Variants in ZMIZ1 observed in about 807,000 individuals in gnomAD.
ZMIZ1 encodes the protein zinc finger MIZ domain-containing protein 1.
ZMIZ1 carries 17 observed loss-of-function variants against 113.9 expected under a neutral mutation model. The ratio of observed to expected loss-of-function variants is 0.15; its 90% CI spans 0.10 to 0.22. The LOEUF (loss-of-function observed/expected upper bound fraction) is 0.22, where lower values mean the gene tolerates loss of function less well. ZMIZ1 is among the 10% of genes least tolerant of loss of function. ZMIZ1 has a pLI of 1.00. For missense variants in ZMIZ1, 1,059 were observed against 1,477.8 expected (o/e 0.72, Z 4.65); for synonymous variants, 607 against 603.1 (o/e 1.01, Z -0.09).
intron 4 of ZMIZ1, among the ~76,000 whole-genome samples, chr10:79,165,293 A>T (rs887646332): frequency 6.6e-6 from 1 of 152,124 alleles, no homozygotes; most frequent in Non-Finnish European, 1.5e-5. Flanking sequence ...GCTGGGCCTG[A>T]CAAAGCCGGT....
intron 3 of ZMIZ1, among the ~76,000 whole-genome samples, chr10:79,141,059 G>A (rs1392570204): frequency 6.6e-6 from 1 of 152,146 alleles, no homozygotes; most frequent in Non-Finnish European, 1.5e-5. Context: ...AATGGAGTAC[G>A]ACTCAGATCC....
chr10:79,266,670 G>A (rs937932161), intron 7 of ZMIZ1, among the ~76,000 whole-genome samples: 2 of 152,122 alleles, frequency 1.3e-5, no homozygotes, highest in African/African-American at 2.4e-5. Flanking sequence ...CACTGCCCCC[G>A]GTCCGAGGAC....
intron 1 of ZMIZ1, among the ~76,000 whole-genome samples, chr10:79,088,835 A>C (rs1351021380): frequency 6.6e-6 from 1 of 152,170 alleles, no homozygotes; most frequent in Non-Finnish European, 1.5e-5. Context: ...GGCAAAGCTC[A>C]CATCCTTGGG....
intron 1 of ZMIZ1, among the ~76,000 whole-genome samples, chr10:79,090,599 A>G (rs1049488314): frequency 4.6e-5 from 7 of 152,206 alleles, no homozygotes; most frequent in African/African-American, 9.7e-5. Context: ...TGCAAGAACA[A>G]TGAAGCCATG....
At chr10:79,240,290 G>A (rs764851708) in intron 7 of ZMIZ1, among the ~76,000 whole-genome samples, 2 of 152,234 alleles carry the variant, frequency 1.3e-5, no homozygotes, top group Non-Finnish European at 2.9e-5. Flanking sequence ...GGTGGAGAGC[G>A]CCTTTGTCTG....
chr10:79,244,068 G>C (rs894794299), intron 7 of ZMIZ1, among the ~76,000 whole-genome samples: 1 of 151,470 alleles, frequency 6.6e-6, no homozygotes, highest in African/African-American at 2.5e-5. Flanking sequence ...GTCGGCTCAC[G>C]CTGCAAAAAT....
At chr10:79,078,216 C>T (rs1474190161) in intron 1 of ZMIZ1, among the ~76,000 whole-genome samples, 1 of 152,142 alleles carries the variant, frequency 6.6e-6, no homozygotes, top group East Asian at 1.9e-4. Flanking sequence ...AATAACAATA[C>T]CTACTTTTTG....
intron 8 of ZMIZ1, 118 bp downstream of exon 8, chr10:79,277,443 C>G: frequency 7.6e-7 from 1 of 1,310,344 alleles, no homozygotes; most frequent in Non-Finnish European, 1.0e-6. Context: ...GTTGCATTTT[C>G]TAAGGTGCAG....
At chr10:79,219,635 T>G (rs920774768) in intron 7 of ZMIZ1, among the ~76,000 whole-genome samples, 3 of 152,162 alleles carry the variant, frequency 2.0e-5, no homozygotes, top group African/African-American at 7.2e-5. Context: ...GATTTGTTCT[T>G]TCCTCCATCT....
At chr10:79,112,931 A>G (rs1321877045) in intron 1 of ZMIZ1, among the ~76,000 whole-genome samples, 2 of 152,198 alleles carry the variant, frequency 1.3e-5, no homozygotes, top group Admixed American at 1.3e-4. Context: ...CGAGGGTGCT[A>G]TCAACACTTG....
At position 79,299,069 on chromosome 10, in the gene ZMIZ1, G is replaced by A. The variant is rs1489069561; in HGVS notation, c.1686G>A (p.Leu562=). 1 of 1,611,280 alleles carries A rather than the reference G, an allele frequency of 6.2e-7. No individual in the cohort carries two copies. Among genetic ancestry groups the A allele is most frequent in the East Asian group, 2.2e-5 (1 of 44,840 alleles). ...PPPPANHNDE[L]RLTFPVRDGV... is the part of the protein sequence containing the mutation. ...CCCCAGCCAACCACAATGACGAGCTGCGGCTCACATTCCCTGTGCGGGATG... is the reference window on the plus strand; with the variant it reads ...CCCCAGCCAACCACAATGACGAGCTACGGCTCACATTCCCTGTGCGGGATG... Residue 562 remains leucine (L), a synonymous_variant, in exon 16 of 25, where the codon CTG becomes CTA. Coordinates refer to ENST00000334512, the MANE Select transcript of ZMIZ1 (RefSeq NM_020338.4).
chr10:79,090,197 G>A (rs1194796037), intron 1 of ZMIZ1, among the ~76,000 whole-genome samples: 1 of 152,192 alleles, frequency 6.6e-6, no homozygotes, highest in African/African-American at 2.4e-5. Context: ...AACAATCCCT[G>A]GAGAGGGAGG....
At chr10:79,136,835 C>T (rs2132396641) in intron 2 of ZMIZ1, among the ~76,000 whole-genome samples, 2 of 152,222 alleles carry the variant, frequency 1.3e-5, no homozygotes, top group Middle Eastern at 6.8e-3. Context: ...CAGGGAAGCA[C>T]ATGAAGATTA....
chr10:79,120,579 T>G (rs1844247637), intron 2 of ZMIZ1, among the ~76,000 whole-genome samples: 1 of 152,212 alleles, frequency 6.6e-6, no homozygotes, highest in Non-Finnish European at 1.5e-5. Context: ...GACAAGCCCT[T>G]GCCCGCTCTA....
chr10:79,184,627 G>A (rs905410003), intron 4 of ZMIZ1, among the ~76,000 whole-genome samples: 3 of 152,108 alleles, frequency 2.0e-5, no homozygotes, highest in Non-Finnish European at 4.4e-5. Flanking sequence ...CCTGATCCAT[G>A]GACTGTGTCT....
intron 5 of ZMIZ1, among the ~76,000 whole-genome samples, chr10:79,205,333 G>T (rs1848272813): frequency 1.3e-5 from 2 of 152,188 alleles, no homozygotes; most frequent in Admixed American, 1.3e-4. Flanking sequence ...TCCCACTGGG[G>T]CTCATTCTGC....
At chr10:79,076,164 G>C (rs947532452) in intron 1 of ZMIZ1, among the ~76,000 whole-genome samples, 12 of 152,192 alleles carry the variant, frequency 7.9e-5, no homozygotes, top group African/African-American at 2.2e-4. Flanking sequence ...CTGAACCATG[G>C]AAAGAAACAC....
chr10:79,184,141 G>A (rs1237149961), intron 4 of ZMIZ1, among the ~76,000 whole-genome samples: 4 of 152,174 alleles, frequency 2.6e-5, no homozygotes, highest in East Asian at 3.9e-4. Flanking sequence ...TCCTGTGGGA[G>A]GACAGTGTGC....
intron 1 of ZMIZ1, among the ~76,000 whole-genome samples, chr10:79,100,991 A>G (rs941112421): frequency 4.6e-5 from 7 of 152,156 alleles, no homozygotes; most frequent in African/African-American, 1.7e-4. Context: ...TGAGGAGCAC[A>G]AAGGTCGGGT....
Sources: gnomAD v4.1 joint callset for allele counts (sites outside exome capture counted in the v4.1 genomes callset) on GRCh38, gnomAD v4.1.1 for gene constraint, MANE v1.5 for transcripts, NCBI Gene and HGNC (gene_info 2026-07-23, HGNC 2026-07-21) for gene names.